PCDH15: variants seen among roughly 807,000 people sequenced by gnomAD.
The protein encoded by PCDH15 is protocadherin-15.
Under a neutral mutation model 178.5 loss-of-function variants are expected in PCDH15, and 129 were observed. The ratio of observed to expected loss-of-function variants is 0.72; its 90% CI spans 0.63 to 0.84. The LOEUF is 0.84. PCDH15 is among the 40% of genes least tolerant of loss of function. PCDH15 has a pLI of 0.00. For missense variants in PCDH15, 2,230 were observed against 2,099.9 expected (o/e 1.06, Z -1.21); for synonymous variants, 800 against 732.0 (o/e 1.09, Z -1.50).
At chr10:54,048,118 G>T (rs925889938) in intron 18 of PCDH15, among the ~76,000 whole-genome samples, 1 of 152,030 alleles carries the variant, frequency 6.6e-6, no homozygotes. Context: ...GTGTGAGATG[G>T]TATCTCATTC....
At chr10:54,451,706 A>G (rs556648599) in intron 3 of PCDH15, among the ~76,000 whole-genome samples, 196 of 152,082 alleles carry the variant, frequency 1.3e-3, no homozygotes, top group African/African-American at 4.5e-3. Flanking sequence ...CTAAAGTTTT[A>G]TGACACAAAT....
chr10:53,810,707 T>A (rs368710839), intron 36 of PCDH15, 43 bp from the exon 37 acceptor site: 175 of 1,523,878 alleles, frequency 1.1e-4, no homozygotes, highest in Non-Finnish European at 1.5e-4. Flanking sequence ...GTCATGTGAT[T>A]TCTGTAGAAT....
intron 2 of PCDH15, among the ~76,000 whole-genome samples, chr10:54,565,511 T>TAG (rs1013352718): frequency 1.3e-5 from 2 of 152,172 alleles, no homozygotes; most frequent in Non-Finnish European, 2.9e-5. Context: ...AAGTAGAAAC[T>TAG]AGATATCAAC....
intron 8 of PCDH15, among the ~76,000 whole-genome samples, chr10:54,272,111 A>G (rs909986933): frequency 3.4e-5 from 5 of 147,388 alleles, no homozygotes; most frequent in Non-Finnish European, 6.0e-5. Flanking sequence ...ATGTAGTACA[A>G]TTGGGTATAA....
chr10:54,370,461 G>A (rs1947486416), intron 4 of PCDH15, among the ~76,000 whole-genome samples: 1 of 151,874 alleles, frequency 6.6e-6, no homozygotes, highest in Non-Finnish European at 1.5e-5. Flanking sequence ...TACAACCTGT[G>A]TGTTATTTTA....
intron 2 of PCDH15, among the ~76,000 whole-genome samples, chr10:55,044,560 T>C (rs141955143): frequency 1.4e-4 from 22 of 152,118 alleles, no homozygotes; most frequent in Admixed American, 3.3e-4. Flanking sequence ...TTGACATACC[T>C]CTACATTCTC....
intron 2 of PCDH15, among the ~76,000 whole-genome samples, chr10:55,335,667 GCA>G (rs748313586): frequency 2.0e-5 from 3 of 152,088 alleles, no homozygotes; most frequent in Non-Finnish European, 4.4e-5. Context: ...CACAGGAAAC[GCA>G]CAGTTTGTTA....
intron 1 of PCDH15, among the ~76,000 whole-genome samples, chr10:54,748,759 A>G (rs988297925): frequency 3.9e-5 from 6 of 152,196 alleles, no homozygotes; most frequent in African/African-American, 1.4e-4. Context: ...TCATATTATA[A>G]TCTTCTGCAT....
At chr10:55,182,820 A>C (rs1337614660) in intron 1 of PCDH15, among the ~76,000 whole-genome samples, 1 of 152,020 alleles carries the variant, frequency 6.6e-6, no homozygotes, top group Non-Finnish European at 1.5e-5. Flanking sequence ...GTGTTCAGTC[A>C]AGTTAGGAAA....
chr10:54,096,307 C>T (rs2094698545), intron 15 of PCDH15, among the ~76,000 whole-genome samples: 1 of 151,882 alleles, frequency 6.6e-6, no homozygotes, highest in African/African-American at 2.4e-5. Context: ...TCTTGTTTCT[C>T]AATGTCACTG....
intron 5 of PCDH15, among the ~76,000 whole-genome samples, chr10:54,347,561 C>T (rs1383288075): frequency 6.6e-6 from 1 of 152,092 alleles, no homozygotes; most frequent in Middle Eastern, 3.4e-3. Context: ...TAAGAGGCAA[C>T]AAAAAAGTTG....
chr10:54,695,055 G>C (rs951432858), intron 1 of PCDH15, among the ~76,000 whole-genome samples: 6 of 150,508 alleles, frequency 4.0e-5, no homozygotes, highest in African/African-American at 1.5e-4. Context: ...ACCAGGGCCT[G>C]TTGTGGGGTA....
chr10:54,289,394 A>T (rs1024982466), intron 8 of PCDH15, among the ~76,000 whole-genome samples: 10 of 152,380 alleles, frequency 6.6e-5, no homozygotes, highest in African/African-American at 2.4e-4. Context: ...TCTGTGGGTC[A>T]CCAACATCAA....
intron 2 of PCDH15, among the ~76,000 whole-genome samples, chr10:55,381,612 G>A (rs980806709): frequency 6.6e-6 from 1 of 152,082 alleles, no homozygotes; most frequent in Non-Finnish European, 1.5e-5. Context: ...GGAAGGGGTG[G>A]AAGGTACAAG....
chr10:55,097,200 T>C lies in PCDH15; in HGVS notation c.-80+69376A>G, dbSNP rs191435101. Among the ~76,000 whole-genome samples the C allele has an allele frequency of 3.9e-4, 59 of 152,288 alleles. No homozygotes were observed. In the East Asian group the frequency reaches 9.6e-3, roughly 25 times the overall value. On this transcript the variant is annotated intron_variant, in intron 2 of 5. Coordinates refer to the PCDH15 transcript ENST00000458638. ...CACATGTATTTTAATTATAAACTAA[T>C]AGATTTAATTATTCTTGTTTTGTTT... is the stretch of plus-strand genomic sequence containing the variant.
At chr10:54,196,852 C>T (rs939627979) in intron 10 of PCDH15, among the ~76,000 whole-genome samples, 11 of 152,282 alleles carry the variant, frequency 7.2e-5, no homozygotes, top group Middle Eastern at 3.4e-3. Context: ...AAGGTGGAAC[C>T]ACCCTCTGTG....
chr10:54,693,063 T>G (rs2095156539), intron 1 of PCDH15, among the ~76,000 whole-genome samples: 1 of 152,014 alleles, frequency 6.6e-6, no homozygotes, highest in South Asian at 2.1e-4. Flanking sequence ...CCCTCGTGTG[T>G]ATTGTTCCCC....
chr10:53,844,195 G>A (rs779829013), intron 28 of PCDH15, among the ~76,000 whole-genome samples: 6 of 152,020 alleles, frequency 3.9e-5, no homozygotes, highest in Admixed American at 2.0e-4. Context: ...TTTGTTCTGA[G>A]TGAGATAAGA....
intron 2 of PCDH15, among the ~76,000 whole-genome samples, chr10:54,978,178 A>G (rs1206959301): frequency 6.6e-6 from 1 of 152,158 alleles, no homozygotes; most frequent in East Asian, 1.9e-4. Context: ...AAGGTGAAAC[A>G]ATAAATTGAA....
Sources: gnomAD v4.1 joint callset for allele counts (sites outside exome capture counted in the v4.1 genomes callset) on GRCh38, gnomAD v4.1.1 for gene constraint, MANE v1.5 for transcripts, NCBI Gene and HGNC (gene_info 2026-07-23, HGNC 2026-07-21) for gene names.